C12orf50: variants seen among roughly 807,000 people sequenced by gnomAD.
C12orf50 encodes uncharacterized protein C12orf50.
Under a neutral mutation model 61.6 loss-of-function variants are expected in C12orf50, and 35 were observed. That is an observed-to-expected ratio of 0.57 (90% CI 0.43 to 0.75). C12orf50 has a LOEUF of 0.75. Ranked by LOEUF, C12orf50 falls within the 30% of genes least tolerant of loss-of-function variation. The pLI is 0.00. For missense variants in C12orf50, 475 were observed against 488.5 expected (o/e 0.97, Z 0.26); for synonymous variants, 178 against 161.5 (o/e 1.10, Z -0.77).
At chr12:87,988,519 T>C (rs779697421) in intron 8 of C12orf50, among the ~76,000 whole-genome samples, 3 of 152,202 alleles carry the variant, frequency 2.0e-5, no homozygotes, top group Non-Finnish European at 4.4e-5. Context: ...GAGTCATAAA[T>C]AGCTGGTGGC....
At chr12:87,998,648 G>A (rs1049992555) in intron 3 of C12orf50, among the ~76,000 whole-genome samples, 1 of 152,026 alleles carries the variant, frequency 6.6e-6, no homozygotes, top group Non-Finnish European at 1.5e-5. Flanking sequence ...AATCCCAATG[G>A]ACTTATTTGC....
At chr12:88,018,359 T>C (rs566826779) in intron 3 of C12orf50, among the ~76,000 whole-genome samples, 9 of 152,214 alleles carry the variant, frequency 5.9e-5, no homozygotes, top group Admixed American at 1.3e-4. Context: ...AATTTAAGAA[T>C]TGGGGTTTGG....
chr12:87,980,501 C>T (rs1234387232), intron 12 of C12orf50, 145 bp from the exon 13 acceptor site: 2 of 714,060 alleles, frequency 2.8e-6, no homozygotes, highest in Non-Finnish European at 4.6e-6. Flanking sequence ...TTTCAAAATG[C>T]CATTCAAATA....
Position 87,989,349 on chromosome 12 carries a change from C to A in C12orf50, c.615G>T (p.Gln205His). The change falls in exon 8 of 13, where the codon CAG (glutamine) becomes CAT (histidine). Residue 205 changes from glutamine to histidine, a missense_variant. Coordinates refer to ENST00000298699, the MANE Select transcript of C12orf50 (RefSeq NM_152589.3). ...ENGGGDCYVP[Q>H]RVIFLGVDES... ...CATCGACTCCAAGAAATATGACCCT[C>A]TGTGGAACATAACAGTCACCTCCTA... 6.2e-7 allele frequency: 1 copy of A among 1,611,830 alleles called. No individual in the cohort carries two copies. The highest frequency in any genetic ancestry group is 8.5e-7 in the Non-Finnish European group (1 of 1,178,626).
At chr12:88,006,603 T>C (rs914505374) in intron 3 of C12orf50, among the ~76,000 whole-genome samples, 2 of 152,156 alleles carry the variant, frequency 1.3e-5, no homozygotes, top group African/African-American at 4.8e-5. Flanking sequence ...ATGCTCCAAC[T>C]GAGGCAAAGG....
chr12:87,980,842 G>A (rs540174763), intron 12 of C12orf50, among the ~76,000 whole-genome samples: 16 of 152,186 alleles, frequency 1.1e-4, no homozygotes, highest in South Asian at 6.2e-4. Flanking sequence ...TCTCCTGTCC[G>A]CCAGTGCCCT....
intron 6 of C12orf50, among the ~76,000 whole-genome samples, chr12:87,995,755 C>T (rs1276293824): frequency 1.3e-5 from 2 of 152,090 alleles, no homozygotes; most frequent in African/African-American, 2.4e-5. Context: ...CCAAGGTTTG[C>T]GGGCTCTTCT....
chr12:87,990,534 A>G (rs1466957060), intron 7 of C12orf50, among the ~76,000 whole-genome samples: 5 of 152,124 alleles, frequency 3.3e-5, no homozygotes, highest in African/African-American at 1.2e-4. Context: ...TACCAAAACA[A>G]ACTGATTGGA....
chr12:88,005,357 C>T (rs1191601048), intron 3 of C12orf50, among the ~76,000 whole-genome samples: 2 of 152,142 alleles, frequency 1.3e-5, no homozygotes, highest in Non-Finnish European at 2.9e-5. Context: ...TTGGCATGTC[C>T]ACAGTTAACA....
intron 3 of C12orf50, among the ~76,000 whole-genome samples, chr12:88,022,715 C>T (rs4511361): frequency 0.079 from 12,072 of 152,148 alleles, 504 homozygotes; most frequent in Non-Finnish European, 0.087. Flanking sequence ...ACAACAACAT[C>T]CAAGCCAAGA....
At chr12:88,008,453 T>C (rs964783964) in intron 3 of C12orf50, among the ~76,000 whole-genome samples, 1 of 152,194 alleles carries the variant, frequency 6.6e-6, no homozygotes, top group Non-Finnish European at 1.5e-5. Context: ...TACCACATTT[T>C]CTTTATCCAG....
At position 87,994,677 on chromosome 12, in the gene C12orf50, A is replaced by G. The variant is rs565763600; in HGVS notation, c.548T>C (p.Leu183Ser). 4.0e-5 allele frequency: 65 copies of G among 1,613,416 alleles called. No individual in the cohort carries two copies. The highest frequency in any genetic ancestry group is 6.7e-5 in the Admixed American group (4 of 60,014). ...AATGTCAGTCTTTGGTTTCCCATGCAATGATGTTTTTATTTCACCTTGCCT... is the reference window on the plus strand; with the variant it reads ...AATGTCAGTCTTTGGTTTCCCATGCGATGATGTTTTTATTTCACCTTGCCT... ...YERQGEIKTS[L>S]HGKPKTDIAA... Residue 183 changes from leucine to serine, a missense_variant, in exon 7 of 13, where the codon TTG becomes TCG. Leu to Ser is a moderately radical substitution (Grantham distance 145). Transcript: ENST00000298699.
chr12:87,982,785 C>T (rs569461394), intron 12 of C12orf50, among the ~76,000 whole-genome samples: 1 of 150,250 alleles, frequency 6.7e-6, no homozygotes, highest in Admixed American at 6.6e-5. Context: ...TACACATTTG[C>T]TTCGCAGCAC....
chr12:87,996,962 A>G (rs1297715915), intron 4 of C12orf50, among the ~76,000 whole-genome samples: 4 of 152,196 alleles, frequency 2.6e-5, no homozygotes, highest in Admixed American at 6.5e-5. Context: ...GCTGCAGCAC[A>G]CAGAAATAGT....
intron 2 of C12orf50, 82 bp from the exon 3 acceptor site, chr12:88,026,690 G>T: frequency 6.6e-7 from 1 of 1,506,452 alleles, no homozygotes. Context: ...TACAGCACAA[G>T]GACACAAAAA....
At chr12:88,010,447 T>TAAAATTATTATAATCTTATA (rs2032060781) in intron 3 of C12orf50, among the ~76,000 whole-genome samples, 2 of 140,346 alleles carry the variant, frequency 1.4e-5, no homozygotes, top group African/African-American at 5.9e-5. Context: ...ATAATAAGAT[T>TAAAATTATTATAATCTTATA]ATAAGATTAA....
intron 7 of C12orf50, among the ~76,000 whole-genome samples, chr12:87,992,848 CAA>C (rs1369096156): frequency 2.0e-5 from 3 of 152,054 alleles, no homozygotes; most frequent in Non-Finnish European, 4.4e-5. Flanking sequence ...AATATTAAGA[CAA>C]GACAATGCCT....
intron 12 of C12orf50, among the ~76,000 whole-genome samples, chr12:87,981,662 G>T (rs1285125176): frequency 1.3e-5 from 2 of 152,062 alleles, no homozygotes; most frequent in Non-Finnish European, 2.9e-5. Flanking sequence ...TCCTCTTTCT[G>T]GTGCTTATCC....
At position 87,997,974 on chromosome 12, in the gene C12orf50, A is replaced by T. The variant is rs2031486064; in HGVS notation, c.289+61T>A. The T allele has an allele frequency of 4.4e-6, 6 of 1,368,058 alleles. No individual in the cohort carries two copies. In the South Asian group the frequency reaches 8.3e-5, roughly 19 times the overall value. The allele number at this position is 1,368,058 out of a possible 1,614,324, so 84.7% of individuals were successfully genotyped here. ...ATCATAAACCTTTACAGTTAAACAC[A>T]TATGTAAAAAATGTGAGGTTTTTGA... On this transcript the variant is annotated intron_variant, in intron 4 of 12. Coordinates refer to ENST00000298699, the MANE Select transcript of C12orf50 (RefSeq NM_152589.3).
Sources: gnomAD v4.1 joint callset for allele counts (sites outside exome capture counted in the v4.1 genomes callset) on GRCh38, gnomAD v4.1.1 for gene constraint, MANE v1.5 for transcripts, NCBI Gene and HGNC (gene_info 2026-07-23, HGNC 2026-07-21) for gene names.